Variants in CAST observed in about 807,000 individuals in gnomAD.
The protein encoded by CAST is calpastatin, also known as MIR583 host.
CAST carries 76 observed loss-of-function variants against 119.6 expected under a neutral mutation model. The ratio of observed to expected loss-of-function variants is 0.64; its 90% CI spans 0.53 to 0.77. The LOEUF (loss-of-function observed/expected upper bound fraction) is 0.77, where lower values mean the gene tolerates loss of function less well. Ranked by LOEUF, CAST falls within the 30% of genes least tolerant of loss-of-function variation. The pLI, the probability that CAST is intolerant of heterozygous loss-of-function variation, is 0.00. For synonymous variants in CAST, 319 were observed against 331.6 expected (o/e 0.96, Z 0.41); for missense variants, 953 against 946.5 (o/e 1.01, Z -0.09).
At chr5:96,743,616 C>T (rs369050820) in intron 16 of CAST, 1 of 1,611,328 alleles carries the variant, frequency 6.2e-7, no homozygotes, top group Non-Finnish European at 8.5e-7. Context: ...CTGGGACTGC[C>T]CTGGCCTAAG....
intron 1 of CAST, among the ~76,000 whole-genome samples, chr5:96,563,159 C>T (rs1317335456): frequency 6.6e-6 from 1 of 152,018 alleles, no homozygotes; most frequent in Non-Finnish European, 1.5e-5. Flanking sequence ...CTCTTTTTGC[C>T]CCATTATAGT....
chr5:96,003,302 G>A, the CAST span, among the ~76,000 whole-genome samples: 1 of 151,900 alleles, frequency 6.6e-6, no homozygotes, highest in Non-Finnish European at 1.5e-5. Context: ...ACTTTGGGAG[G>A]CCGAGGAGGG....
chr5:96,086,218 T>C, the CAST span, among the ~76,000 whole-genome samples: 5 of 152,182 alleles, frequency 3.3e-5, no homozygotes, highest in African/African-American at 1.2e-4. Context: ...TTTTTTAATC[T>C]TTTAGATCTG....
the CAST span, among the ~76,000 whole-genome samples, chr5:96,340,525 G>A: frequency 2.0e-5 from 3 of 152,086 alleles, no homozygotes; most frequent in African/African-American, 7.2e-5. Flanking sequence ...CAGCTTGTTG[G>A]CTCCTAATAG....
the CAST span, among the ~76,000 whole-genome samples, chr5:96,305,126 T>C: frequency 6.6e-6 from 1 of 152,194 alleles, no homozygotes; most frequent in East Asian, 1.9e-4. Context: ...CTTATTTCGT[T>C]GAGTAGTGGT....
At chr5:96,314,001 T>A in the CAST span, among the ~76,000 whole-genome samples, 1 of 152,222 alleles carries the variant, frequency 6.6e-6, no homozygotes, top group African/African-American at 2.4e-5. Context: ...GAACTATCAT[T>A]AATCCTAAAT....
the CAST span, among the ~76,000 whole-genome samples, chr5:96,140,244 A>T: frequency 6.6e-6 from 1 of 152,352 alleles, no homozygotes; most frequent in East Asian, 1.9e-4. Flanking sequence ...AAGCATATCA[A>T]GTATTTGGAA....
the CAST span, among the ~76,000 whole-genome samples, chr5:96,192,339 C>A: frequency 6.6e-6 from 1 of 152,138 alleles, no homozygotes. Flanking sequence ...AAGCTGACAA[C>A]ATGGAAAGAT....
intron 19 of CAST, among the ~76,000 whole-genome samples, chr5:96,749,383 C>T (rs1581256335): frequency 6.6e-6 from 1 of 152,270 alleles, no homozygotes; most frequent in East Asian, 1.9e-4. Context: ...TTAACTCTAA[C>T]ATTTATGCCA....
chr5:96,307,201 G>A, the CAST span, among the ~76,000 whole-genome samples: 9 of 152,172 alleles, frequency 5.9e-5, no homozygotes, highest in African/African-American at 1.9e-4. Context: ...TTACCATTAT[G>A]TAATGCCCTT....
At chr5:96,108,612 C>G in the CAST span, among the ~76,000 whole-genome samples, 1 of 152,102 alleles carries the variant, frequency 6.6e-6, no homozygotes, top group Non-Finnish European at 1.5e-5. Context: ...CTGGGAGAAC[C>G]ACTGCTCTCT....
chr5:96,239,036 C>T, the CAST span, among the ~76,000 whole-genome samples: 1 of 152,220 alleles, frequency 6.6e-6, no homozygotes, highest in South Asian at 2.1e-4. Flanking sequence ...CTCCTACCAA[C>T]TTTGGTGAGA....
chr5:96,177,136 C>T, the CAST span, among the ~76,000 whole-genome samples: 1 of 152,018 alleles, frequency 6.6e-6, no homozygotes, highest in Non-Finnish European at 1.5e-5. Flanking sequence ...GAAATTATCC[C>T]TCATTAAAAA....
intron 3 of CAST, among the ~76,000 whole-genome samples, chr5:96,696,491 T>C (rs953322526): frequency 1.3e-4 from 20 of 152,036 alleles, no homozygotes; most frequent in African/African-American, 4.1e-4. Flanking sequence ...TTTGGTAATA[T>C]AACCCTTCAA....
the CAST span, among the ~76,000 whole-genome samples, chr5:96,337,358 T>C: frequency 6.6e-6 from 1 of 152,208 alleles, no homozygotes; most frequent in African/African-American, 2.4e-5. Context: ...ATGGTCTCTG[T>C]ATGCTCATAT....
Position 96,766,034 on chromosome 5 carries a change from C to G in CAST, c.2038-19C>G. 1.5e-6 allele frequency: 2 copies of G among 1,320,054 alleles called. No individual in the cohort carries two copies. The highest frequency in any genetic ancestry group is 4.6e-5 in the East Asian group (2 of 43,370). The allele number at this position is 1,320,054 out of a possible 1,614,324, so 81.8% of individuals were successfully genotyped here. A position where few individuals can be genotyped will look rare whatever the true frequency, so the allele number is the denominator to read the frequency against. ...AAGAGGAAATGAATATTAATTCTAT[C>G]TGCTCACTGTTGATATAGGAAAAAG... On this transcript the variant is annotated intron_variant, in intron 26 of 31. Transcript: ENST00000675179.
At chr5:96,434,647 C>T in the CAST span, among the ~76,000 whole-genome samples, 2 of 150,362 alleles carry the variant, frequency 1.3e-5, no homozygotes, top group Admixed American at 6.6e-5. Context: ...TTTTAAAGCT[C>T]AACCGCCCGA....
chr5:96,361,733 A>G, the CAST span, among the ~76,000 whole-genome samples: 19 of 141,082 alleles, frequency 1.3e-4, no homozygotes, highest in Non-Finnish European at 2.9e-4. Flanking sequence ...TCTGCCTTCT[A>G]GGTTGATCTC....
Position 96,750,637 on chromosome 5 carries a change from C to T in CAST, c.1479C>T (p.Thr493=). 6.2e-7 allele frequency: 1 copy of T among 1,613,530 alleles called. No individual in the cohort carries two copies. The highest frequency in any genetic ancestry group is 1.1e-5 in the South Asian group (1 of 91,060). ...CTGTGTCGGAGGCTGTGTGTCGGAC[C>T]TCCATGTGTAGTATACAGTCAGCAC... is the stretch of plus-strand genomic sequence containing the variant. ...PAPVSEAVCR[T]SMCSIQSAPP... is the part of the protein sequence containing the mutation. The change falls in exon 20 of 32, where the codon ACC becomes ACT. Residue 493 remains threonine, a synonymous_variant. Transcript: ENST00000675179.
Sources: allele counts gnomAD v4.1 joint callset (sites outside exome capture counted in the v4.1 genomes callset), GRCh38; gene constraint gnomAD v4.1.1; transcripts MANE v1.5; gene names NCBI Gene and HGNC (gene_info 2026-07-23, HGNC 2026-07-21).